The following MAP2K6 variants were observed in gnomAD, a reference collection of about 807,000 sequenced individuals.
MAP2K6 encodes mitogen-activated protein kinase kinase 6, also known as dual specificity mitogen-activated protein kinase kinase 6.
A neutral mutation model predicts 53.7 loss-of-function variants in MAP2K6; 16 were observed. That is an observed-to-expected ratio of 0.30 (90% CI 0.20 to 0.45). The LOEUF is 0.45. Ranked by LOEUF, MAP2K6 falls within the 20% of genes least tolerant of loss-of-function variation. The pLI, the probability that MAP2K6 is intolerant of heterozygous loss-of-function variation, is 1.00. For synonymous variants in MAP2K6, 132 were observed against 143.1 expected (o/e 0.92, Z 0.55); for missense variants, 204 against 411.9 (o/e 0.50, Z 4.37).
chr17:69,498,056 T>C (rs1909012127), intron 1 of MAP2K6, among the ~76,000 whole-genome samples: 1 of 151,948 alleles, frequency 6.6e-6, no homozygotes, highest in African/African-American at 2.4e-5. Context: ...GGTTTTCATA[T>C]CTCCTGATGC....
intron 1 of MAP2K6, among the ~76,000 whole-genome samples, chr17:69,438,917 A>G (rs1294383012): frequency 6.6e-6 from 1 of 152,210 alleles, no homozygotes; most frequent in Non-Finnish European, 1.5e-5. Context: ...ACGAGTCAAA[A>G]GAATATTTTA....
intron 7 of MAP2K6, chr17:69,521,806 C>CAAAAAAAAAAAA (rs71293537): frequency 1.3e-5 from 1 of 79,352 alleles, no homozygotes; most frequent in Non-Finnish European, 2.6e-5. Flanking sequence ...GATAAATGTA[C>CAAAAAAAAAAAA]AAAAAAAAAA....
At chr17:69,479,305 G>A (rs988712909) in intron 1 of MAP2K6, among the ~76,000 whole-genome samples, 5 of 152,136 alleles carry the variant, frequency 3.3e-5, no homozygotes, top group African/African-American at 1.2e-4. Context: ...GCTCCAAAAT[G>A]TGAAACTTTT....
chr17:69,431,180 T>A (rs1280962714), intron 1 of MAP2K6, among the ~76,000 whole-genome samples: 1 of 152,184 alleles, frequency 6.6e-6, no homozygotes, highest in Non-Finnish European at 1.5e-5. Context: ...GCATAACTTG[T>A]CTCAGATTAT....
At chr17:69,442,456 A>G (rs1906851357) in intron 1 of MAP2K6, among the ~76,000 whole-genome samples, 1 of 152,208 alleles carries the variant, frequency 6.6e-6, no homozygotes, top group Non-Finnish European at 1.5e-5. Flanking sequence ...ACTATCACAA[A>G]AAAATGCAGT....
chr17:69,533,735 GT>G (rs35697742), intron 10 of MAP2K6, among the ~76,000 whole-genome samples: 1,881 of 140,164 alleles, frequency 0.013, 35 homozygotes, highest in Middle Eastern at 0.065. Context: ...TAGCCTGTTT[GT>G]TTTTTTTTTT....
chr17:69,505,692 G>A (rs756657277), intron 1 of MAP2K6, 88 bp from the exon 2 acceptor site: 38 of 1,010,490 alleles, frequency 3.8e-5, no homozygotes, highest in South Asian at 2.9e-4. Context: ...TGCCTGTGCA[G>A]GTCAGCTCTT....
In MAP2K6 at chr17:69,533,731, G is replaced by GTTTTTT. The variant is rs199915836; in HGVS notation, c.882-2381_882-2380insTTTTTT. 1.7e-5 allele frequency among the ~76,000 whole-genome samples: 2 copies of GTTTTTT among 114,986 alleles called. 1 individual carries two copies. The allele number at this position is 114,986 out of a possible 152,430, so 75.4% of individuals were successfully genotyped here. On this transcript the variant is annotated intron_variant, in intron 10 of 11. Coordinates refer to ENST00000590474, the MANE Select transcript of MAP2K6 (RefSeq NM_002758.4). ...GTGGGAAATTCAGGGCTTCTAGCCT[G>GTTTTTT]TTTGTTTTTTTTTTTTTTTTTTACC... is the stretch of plus-strand genomic sequence containing the variant.
intron 1 of MAP2K6, among the ~76,000 whole-genome samples, chr17:69,421,547 T>G (rs1906079342): frequency 6.6e-6 from 1 of 151,204 alleles, no homozygotes; most frequent in Non-Finnish European, 1.5e-5. Flanking sequence ...GTTTTTTGTT[T>G]TTTTTTTTTG....
At position 69,519,315 on chromosome 17, in the gene MAP2K6, G is replaced by T; in HGVS notation, c.249G>T (p.Arg83=). Residue 83 remains arginine, a splice_region_variant and synonymous_variant, in exon 5 of 12, where the codon CGG becomes CGT. Coordinates refer to ENST00000590474, the MANE Select transcript of MAP2K6 (RefSeq NM_002758.4). ...VPSGQIMAVK[R]IRATVNSQEQ... is the part of the protein sequence containing the mutation. ...ATTTTCCATGCATTTCCATTCAGCG[G>T]ATCCGAGCCACAGTAAATAGCCAGG... 4.3e-6 allele frequency: 7 copies of T among 1,613,380 alleles called. No individual in the cohort carries two copies. The highest frequency in any genetic ancestry group is 5.9e-6 in the Non-Finnish European group (7 of 1,179,718).
chr17:69,514,384 A>ATG (rs1476131116), intron 2 of MAP2K6, among the ~76,000 whole-genome samples: 1 of 152,060 alleles, frequency 6.6e-6, no homozygotes, highest in African/African-American at 2.4e-5. Context: ...TTTGTGGGGC[A>ATG]TGTGTGTGTG....
intron 1 of MAP2K6, among the ~76,000 whole-genome samples, chr17:69,472,376 A>G (rs1183432878): frequency 2.0e-5 from 3 of 152,240 alleles, no homozygotes; most frequent in Non-Finnish European, 4.4e-5. Flanking sequence ...ATTTCATTCA[A>G]CATTGTTTTA....
chr17:69,446,764 T>C (rs1376824724), intron 1 of MAP2K6, among the ~76,000 whole-genome samples: 1 of 152,144 alleles, frequency 6.6e-6, no homozygotes, highest in Non-Finnish European at 1.5e-5. Context: ...CCAAAGTACA[T>C]GCACGAACGC....
intron 1 of MAP2K6, among the ~76,000 whole-genome samples, chr17:69,452,977 G>T (rs920315777): frequency 6.6e-6 from 1 of 152,172 alleles, no homozygotes; most frequent in African/African-American, 2.4e-5. Flanking sequence ...ATTGCATAGA[G>T]TGACAGCCTC....
intron 1 of MAP2K6, among the ~76,000 whole-genome samples, chr17:69,463,381 A>G (rs915511193): frequency 6.7e-6 from 1 of 149,256 alleles, no homozygotes; most frequent in Non-Finnish European, 1.5e-5. Context: ...GTGTATATAT[A>G]TGTGTATCTA....
chr17:69,520,098 C>G, intron 5 of MAP2K6, 172 bp from the exon 6 acceptor site: 1 of 563,336 alleles, frequency 1.8e-6, no homozygotes, highest in Non-Finnish European at 3.1e-6. Flanking sequence ...TGTAGATAAC[C>G]TTGCTTATTT....
intron 1 of MAP2K6, among the ~76,000 whole-genome samples, chr17:69,446,605 G>C (rs1906971462): frequency 6.6e-6 from 1 of 152,168 alleles, no homozygotes; most frequent in South Asian, 2.1e-4. Context: ...AAAGTTCAGG[G>C]AGGTTAAGTA....
rs922148776 is a variant in MAP2K6, at chr17:69,548,412, C to G, written c.*6659C>G. On this transcript the variant is annotated 3_prime_UTR_variant, in exon 12 of 12. Coordinates refer to ENST00000590474, the MANE Select transcript of MAP2K6 (RefSeq NM_002758.4). Reference sequence around the variant, plus strand: ...AGAATGCTATAAAAAGGACAGTCTGCCAGTGACCGAAGCTTTCTCATTTTT... The same window carrying G: ...AGAATGCTATAAAAAGGACAGTCTGGCAGTGACCGAAGCTTTCTCATTTTT... 7 of 150,986 alleles carry G rather than the reference C, an allele frequency of 4.6e-5. No homozygotes were observed. The highest frequency in any genetic ancestry group is 1.7e-4 in the African/African-American group (7 of 41,256). The allele number at this position is 150,986 out of a possible 1,614,324, so 9.4% of individuals were successfully genotyped here.
At chr17:69,516,408 A>G (rs908135971) in intron 2 of MAP2K6, among the ~76,000 whole-genome samples, 1 of 152,160 alleles carries the variant, frequency 6.6e-6, no homozygotes, top group Non-Finnish European at 1.5e-5. Flanking sequence ...ATGGGGAGCT[A>G]CTGTAAGTAC....
Sources: allele counts gnomAD v4.1 joint callset (sites outside exome capture counted in the v4.1 genomes callset), GRCh38; gene constraint gnomAD v4.1.1; transcripts MANE v1.5; gene names NCBI Gene and HGNC (gene_info 2026-07-23, HGNC 2026-07-21).